CLASP2: variants seen among roughly 807,000 people sequenced by gnomAD.
CLASP2 encodes CLIP-associating protein 2.
Under a neutral mutation model 194.4 loss-of-function variants are expected in CLASP2, and 47 were observed. The observed-to-expected ratio is 0.24, with a 90% CI of 0.19 to 0.31. The LOEUF is 0.31. Among genes scored for constraint, CLASP2 ranks in the 10% least tolerant of loss-of-function variants. The pLI is 1.00. For missense variants in CLASP2, 1,445 were observed against 1,823.6 expected (o/e 0.79, Z 3.78); for synonymous variants, 619 against 633.5 (o/e 0.98, Z 0.34).
chr3:33,648,045 G>C (rs555380443), intron 7 of CLASP2, among the ~76,000 whole-genome samples: 22 of 149,858 alleles, frequency 1.5e-4, no homozygotes, highest in African/African-American at 5.4e-4. Context: ...AAAAAAAAAA[G>C]AGTAAGTATA....
chr3:33,496,534 A>G lies in CLASP2; in HGVS notation c.*2097T>C, dbSNP rs2045804076. 6.6e-6 allele frequency: 1 copy of G among 152,170 alleles called. No individual in the cohort carries two copies. The highest frequency in any genetic ancestry group is 1.5e-5 in the Non-Finnish European group (1 of 68,026). The allele number at this position is 152,170 out of a possible 1,614,324, so 9.4% of individuals were successfully genotyped here. ...TTTACATCTACTAGCTTTCATTTGG[A>G]CACATTAAACCATACTTTTCCATTA... is the stretch of plus-strand genomic sequence containing the variant. On this transcript the variant is annotated 3_prime_UTR_variant, in exon 39 of 39. Transcript: ENST00000682230.
At chr3:33,717,701 C>T (rs1277615133) in intron 1 of CLASP2, 107 bp downstream of exon 1, 9 of 1,238,750 alleles carry the variant, frequency 7.3e-6, no homozygotes, top group Non-Finnish European at 9.0e-6. Context: ...TGTTTCCCCT[C>T]TTAAGCAGTG....
chr3:33,699,872 C>CAAAAAAAAAA (rs34347002), intron 1 of CLASP2, among the ~76,000 whole-genome samples: 1 of 93,930 alleles, frequency 1.1e-5, no homozygotes, highest in East Asian at 3.0e-4. Context: ...ATTGTACTAC[C>CAAAAAAAAAA]AAAAAAAAAA....
chr3:33,606,750 A>G lies in CLASP2; in HGVS notation c.1535T>C (p.Met512Thr). Residue 512 changes from methionine to threonine, a missense_variant, in exon 16 of 39, where the codon ATG becomes ACG. Physicochemically the swap from Met to Thr is moderately conservative, Grantham distance 81. Coordinates refer to ENST00000682230, the MANE Select transcript of CLASP2 (RefSeq NM_001365631.1). Reference sequence around the variant, plus strand: ...ACCAGGAAAGTGGTTTCTAAGACCCATGTATGTCCTGTTAAAAAAAAAGAA... The same window carrying G: ...ACCAGGAAAGTGGTTTCTAAGACCCGTGTATGTCCTGTTAAAAAAAAAGAA... ...EARVEARKTY[M>T]GLRNHFPGEA... The G allele has an allele frequency of 6.3e-7, 1 of 1,595,804 alleles. No individual in the cohort carries two copies. Among genetic ancestry groups the G allele is most frequent in the African/African-American group, 1.4e-5 (1 of 73,774 alleles).
At chr3:33,572,756 G>A (rs72854388) in intron 25 of CLASP2, among the ~76,000 whole-genome samples, 21,877 of 151,790 alleles carry the variant, frequency 0.14, 1,774 homozygotes, top group African/African-American at 0.22. Flanking sequence ...TCTTCTCATT[G>A]AAAAACTTAC....
chr3:33,602,601 A>C, intron 18 of CLASP2: 1 of 757,112 alleles, frequency 1.3e-6, no homozygotes, highest in Non-Finnish European at 2.4e-6. Flanking sequence ...TTGGTAAGAG[A>C]AGAGAAGTAG....
chr3:33,686,039 T>A (rs530570636), intron 5 of CLASP2, among the ~76,000 whole-genome samples: 1 of 152,250 alleles, frequency 6.6e-6, no homozygotes, highest in East Asian at 1.9e-4. Flanking sequence ...AAAAAAAGAA[T>A]GTGGTCTGAA....
chr3:33,573,034 A>G, intron 25 of CLASP2, 76 bp downstream of exon 25: 6 of 1,536,260 alleles, frequency 3.9e-6, no homozygotes, highest in Non-Finnish European at 5.3e-6. Context: ...CAGTATCTCT[A>G]AAGTGTTATA....
At chr3:33,617,597 T>C (rs919660410) in intron 12 of CLASP2, among the ~76,000 whole-genome samples, 1 of 152,102 alleles carries the variant, frequency 6.6e-6, no homozygotes, top group African/African-American at 2.4e-5. Flanking sequence ...AATTCTGATA[T>C]ATAACAAAAG....
intron 8 of CLASP2, among the ~76,000 whole-genome samples, chr3:33,634,858 A>T (rs2079816899): frequency 6.6e-6 from 1 of 152,220 alleles, no homozygotes; most frequent in South Asian, 2.1e-4. Flanking sequence ...AAATAAAATC[A>T]ATATACAAAA....
intron 37 of CLASP2, among the ~76,000 whole-genome samples, chr3:33,508,729 G>T (rs1355089418): frequency 6.6e-6 from 1 of 152,174 alleles, no homozygotes; most frequent in Non-Finnish European, 1.5e-5. Context: ...CTGAAAATAG[G>T]ATAGGTAGTC....
intron 6 of CLASP2, among the ~76,000 whole-genome samples, chr3:33,675,814 G>A (rs539005165): frequency 1.4e-5 from 2 of 142,356 alleles, no homozygotes; most frequent in South Asian, 4.6e-4. Context: ...GCCAAATCAT[G>A]AGTGAACTCC....
rs748362907 is a variant in CLASP2 at position 33,688,342 on chromosome 3, AC to A, written c.404del (p.Gly135ValfsTer21). ...PMYIWEQLAS[G>X]FKHKNFRSRE... ...GAGATCGAAAATTCTTGTGTTTAAA[AC>A]CAGAAGCCAACTGCTCCCAAATGTA... On this transcript the variant is annotated frameshift_variant, in exon 4 of 39. Coordinates refer to ENST00000682230, the MANE Select transcript of CLASP2 (RefSeq NM_001365631.1). LOFTEE classifies it high-confidence loss of function. 6.3e-7 allele frequency: 1 copy of A among 1,591,042 alleles called. No homozygotes were observed. The highest frequency in any genetic ancestry group is 1.1e-5 in the South Asian group (1 of 87,100).
chr3:33,536,152 A>G (rs2154135626), intron 33 of CLASP2, among the ~76,000 whole-genome samples: 1 of 152,066 alleles, frequency 6.6e-6, no homozygotes, highest in South Asian at 2.1e-4. Flanking sequence ...CTATGCACAT[A>G]TTATATGCCT....
At chr3:33,508,164 G>C (rs753582238) in intron 37 of CLASP2, among the ~76,000 whole-genome samples, 7 of 151,744 alleles carry the variant, frequency 4.6e-5, no homozygotes, top group Non-Finnish European at 8.8e-5. Flanking sequence ...CACCAACCCA[G>C]GTAAGAAAAC....
chr3:33,621,632 C>T (rs1559419052), intron 11 of CLASP2, among the ~76,000 whole-genome samples: 1 of 152,162 alleles, frequency 6.6e-6, no homozygotes, highest in Admixed American at 6.6e-5. Flanking sequence ...TGTTCCCTAT[C>T]TTCAAAGGAA....
rs1461939100 is a variant in CLASP2, at chr3:33,647,197, TTTATTTTAGA to T, written c.716-2304_716-2295del. The stretch of plus-strand genomic sequence containing the variant: ...ACTGAGGAAGTAGTAAACACAATAA[TTTATTTTAGA>T]TTATTTTAGATTATAACTATATATA... On this transcript the variant is annotated intron_variant, in intron 7 of 38. Transcript: ENST00000682230. 5.3e-5 allele frequency among the ~76,000 whole-genome samples: 8 copies of T among 152,072 alleles called. 1 individual carries two copies. The highest frequency in any genetic ancestry group is 3.9e-4 in the Admixed American group (6 of 15,276).
intron 19 of CLASP2, 55 bp downstream of exon 19, chr3:33,596,656 A>G: frequency 8.1e-7 from 1 of 1,241,464 alleles, no homozygotes; most frequent in Non-Finnish European, 1.1e-6. Flanking sequence ...AGGATATTAT[A>G]TAGAATCCAG....
intron 7 of CLASP2, among the ~76,000 whole-genome samples, chr3:33,654,051 C>T (rs1401795406): frequency 7.0e-6 from 1 of 142,410 alleles, no homozygotes; most frequent in African/African-American, 2.7e-5. Context: ...AAAAAAAGAA[C>T]GAACAGCTAC....
Sources: gnomAD v4.1 joint callset for allele counts (sites outside exome capture counted in the v4.1 genomes callset) on GRCh38, gnomAD v4.1.1 for gene constraint, MANE v1.5 for transcripts, NCBI Gene and HGNC (gene_info 2026-07-23, HGNC 2026-07-21) for gene names.